PPEF1: variants seen among roughly 807,000 people sequenced by gnomAD.
PPEF1 encodes the protein serine/threonine-protein phosphatase with EF-hands 1.
In PPEF1, 12 loss-of-function variants were observed where a neutral mutation model predicts 53.3. That is an observed-to-expected ratio of 0.23 (90% CI 0.14 to 0.36). PPEF1 has a LOEUF of 0.36. PPEF1 is among the 10% of genes least tolerant of loss of function. PPEF1 has a pLI of 1.00. For missense variants in PPEF1, 334 were observed against 490.4 expected, an observed-to-expected ratio of 0.68 and a Z score of 3.01; for synonymous variants, 165 against 176.7, an observed-to-expected ratio of 0.93 and a Z score of 0.52.
chrX:18,680,776 C>G (rs1198266868), upstream of PPEF1, among the ~76,000 whole-genome samples: 1 of 80,845 alleles, frequency 1.2e-5, no homozygotes, highest in Non-Finnish European at 2.3e-5. Flanking sequence ...CTCCCCCCAC[C>G]CCACAAGAGT....
intron 6 of PPEF1, among the ~76,000 whole-genome samples, chrX:18,766,065 CAAAA>C (rs61277288): frequency 3.1e-5 from 2 of 63,966 alleles, no homozygotes; most frequent in Admixed American, 2.2e-4. Context: ...AACTCTGTCT[CAAAA>C]AAAAAAAAAA....
intron 2 of PPEF1, among the ~76,000 whole-genome samples, chrX:18,731,190 A>G (rs1404159394): frequency 1.8e-5 from 2 of 112,549 alleles, no homozygotes; most frequent in African/African-American, 6.5e-5. Flanking sequence ...AACATGAAAC[A>G]TACAGCAAAA....
chrX:18,739,778 T>TC (rs1435207667), intron 3 of PPEF1, among the ~76,000 whole-genome samples: 1 of 112,411 alleles, frequency 8.9e-6, no homozygotes, highest in Non-Finnish European at 1.9e-5. Context: ...TGCAATGGGC[T>TC]CCACCCAGTT....
intron 3 of PPEF1, among the ~76,000 whole-genome samples, chrX:18,690,668 C>T (rs1218279040): frequency 8.9e-6 from 1 of 112,549 alleles, no homozygotes; most frequent in Non-Finnish European, 1.9e-5. Context: ...AGCCATCGTG[C>T]CTGGCCCAGG....
At position 18,746,335 on chromosome X, in the gene PPEF1, T is replaced by C. The variant is rs963875946; in HGVS notation, c.236-3457T>C. Among the ~76,000 whole-genome samples the C allele has an allele frequency of 5.3e-5, 6 of 112,294 alleles. No individual in the cohort carries two copies. The South Asian group carries it at 1.1e-3, about 21-fold the overall frequency. On this transcript the variant is annotated intron_variant, in intron 3 of 15. Coordinates refer to ENST00000470157, the MANE Select transcript of PPEF1 (RefSeq NM_001377996.1). ...AGCTACTGGAAGAGAATTTATGTTA[T>C]TCTTTTTTATGTTGCTAAAAACCAG...
At chrX:18,796,476 A>G (rs1314400688) in intron 10 of PPEF1, among the ~76,000 whole-genome samples, 3 of 112,849 alleles carry the variant, frequency 2.7e-5, no homozygotes, top group Non-Finnish European at 5.6e-5. Flanking sequence ...TGCATTTGCA[A>G]TGTCACAAGT....
intron 12 of PPEF1, among the ~76,000 whole-genome samples, chrX:18,809,734 C>T (rs1296600078): frequency 9.2e-6 from 1 of 109,210 alleles, no homozygotes; most frequent in African/African-American, 3.3e-5. Context: ...TGAAGGGAAA[C>T]CCATGCATAC....
At position 18,820,455 on chromosome X, in the gene PPEF1, G is replaced by A. The variant is rs761876878; in HGVS notation, c.1501+2310G>A. ...GGCTGGAGTGCAGTAGCATGATCTCGGCTCACTGCAACCTCCGCCTCCCGG... is the reference window on the plus strand; with the variant it reads ...GGCTGGAGTGCAGTAGCATGATCTCAGCTCACTGCAACCTCCGCCTCCCGG... On this transcript the variant is annotated intron_variant, in intron 13 of 15. Coordinates refer to ENST00000470157, the MANE Select transcript of PPEF1 (RefSeq NM_001377996.1). Among the ~76,000 whole-genome samples, 43 of 107,868 alleles carry A rather than the reference G, an allele frequency of 4.0e-4. 1 individual carries two copies. In the East Asian group the frequency reaches 0.011, roughly 29 times the overall value. The allele number at this position is 107,868 out of a possible 115,157, so 93.7% of individuals were successfully genotyped here. A position where few individuals can be genotyped will look rare whatever the true frequency, so the allele number is the denominator to read the frequency against.
intron 4 of PPEF1, among the ~76,000 whole-genome samples, chrX:18,755,523 T>G (rs1039145701): frequency 8.9e-6 from 1 of 112,056 alleles, no homozygotes; most frequent in African/African-American, 3.2e-5. Context: ...GCCGAGATCG[T>G]GCCACCGCAC....
chrX:18,791,488 A>G (rs2046323173), intron 10 of PPEF1, among the ~76,000 whole-genome samples: 1 of 111,684 alleles, frequency 9.0e-6, no homozygotes, highest in South Asian at 3.7e-4. Context: ...TACATTTTGG[A>G]TTGTTCATTG....
intron 3 of PPEF1, among the ~76,000 whole-genome samples, chrX:18,746,314 A>G (rs2045328314): frequency 8.9e-6 from 1 of 112,314 alleles, no homozygotes; most frequent in South Asian, 3.7e-4. Flanking sequence ...CACATTAGCT[A>G]CTGGAAGAGA....
At chrX:18,714,732 A>G (rs953708824) in intron 1 of PPEF1, among the ~76,000 whole-genome samples, 42 of 112,416 alleles carry the variant, frequency 3.7e-4, no homozygotes, top group African/African-American at 1.3e-3. Flanking sequence ...ACTTATATAC[A>G]GTACCTTGTA....
intron 1 of PPEF1, among the ~76,000 whole-genome samples, chrX:18,713,901 T>A (rs1448106635): frequency 8.9e-6 from 1 of 112,030 alleles, no homozygotes; most frequent in East Asian, 2.8e-4. Context: ...CATTGCTAAG[T>A]ATTTTATTTG....
intron 5 of PPEF1, among the ~76,000 whole-genome samples, chrX:18,759,029 C>A (rs181959321): frequency 4.4e-4 from 49 of 111,015 alleles, no homozygotes; most frequent in African/African-American, 1.4e-3. Context: ...CTTCTGTATC[C>A]CAGGTTAGAG....
chrX:18,805,712 A>C (rs754650293), intron 11 of PPEF1, among the ~76,000 whole-genome samples: 1 of 109,613 alleles, frequency 9.1e-6, no homozygotes, highest in East Asian at 2.9e-4. Flanking sequence ...GCGTGGTGGC[A>C]CACACCTGTA....
chrX:18,783,296 G>T (rs2046128664), intron 8 of PPEF1, among the ~76,000 whole-genome samples: 1 of 109,810 alleles, frequency 9.1e-6, no homozygotes, highest in South Asian at 4.0e-4. Flanking sequence ...TAGCTGGGGT[G>T]TGGGCTCTCG....
At chrX:18,788,674 A>T (rs974018904) in intron 9 of PPEF1, among the ~76,000 whole-genome samples, 2 of 111,643 alleles carry the variant, frequency 1.8e-5, no homozygotes, top group African/African-American at 6.5e-5. Flanking sequence ...TTGGACACAG[A>T]TGTACCTTTT....
At chrX:18,715,089 C>T (rs139380875) in intron 1 of PPEF1, among the ~76,000 whole-genome samples, 1,629 of 111,801 alleles carry the variant, frequency 0.015, 7 homozygotes, top group South Asian at 0.023. Context: ...GAAGTAGCAT[C>T]GGGCCAGGCG....
chrX:18,741,633 C>T (rs1432670446), intron 3 of PPEF1, among the ~76,000 whole-genome samples: 5 of 110,253 alleles, frequency 4.5e-5, no homozygotes, highest in Admixed American at 2.0e-4. Flanking sequence ...GTTTCCCATC[C>T]TGCCTTCTTG....
Sources: allele counts gnomAD v4.1 joint callset (sites outside exome capture counted in the v4.1 genomes callset), GRCh38; gene constraint gnomAD v4.1.1; transcripts MANE v1.5; gene names NCBI Gene and HGNC (gene_info 2026-07-23, HGNC 2026-07-21).